FMN1: variants seen among roughly 807,000 people sequenced by gnomAD.
FMN1 encodes the protein formin-1.
A neutral mutation model predicts 132.4 loss-of-function variants in FMN1; 110 were observed. The observed-to-expected ratio is 0.83, with a 90% CI of 0.71 to 0.97. The LOEUF (loss-of-function observed/expected upper bound fraction) is 0.97. Among genes scored for constraint, FMN1 ranks in the 50% least tolerant of loss-of-function variants. The pLI is 0.00. For missense variants in FMN1, 1,792 were observed against 1,705.3 expected (o/e 1.05, Z -0.90); for synonymous variants, 722 against 651.7 (o/e 1.11, Z -1.64).
At chr15:33,158,939 C>A (rs1252913044) in intron 3 of FMN1, among the ~76,000 whole-genome samples, 1 of 152,116 alleles carries the variant, frequency 6.6e-6, no homozygotes, top group Non-Finnish European at 1.5e-5. Context: ...ATAATCCCAG[C>A]ACTTTGGGAG....
intron 15 of FMN1, among the ~76,000 whole-genome samples, chr15:32,892,056 T>C (rs2060044631): frequency 6.6e-6 from 1 of 151,844 alleles, no homozygotes; most frequent in African/African-American, 2.4e-5. Context: ...TTTCTTTCTC[T>C]TGTCTGATTG....
At chr15:32,873,262 T>C (rs11634197) in intron 16 of FMN1, among the ~76,000 whole-genome samples, 4,021 of 152,316 alleles carry the variant, frequency 0.026, 67 homozygotes, top group Middle Eastern at 0.051. Flanking sequence ...GAAGGCTGCA[T>C]TGTCAATTTT....
chr15:32,876,853 TACAG>T (rs1191012868), intron 16 of FMN1, among the ~76,000 whole-genome samples: 3 of 152,198 alleles, frequency 2.0e-5, no homozygotes, highest in Non-Finnish European at 4.4e-5. Flanking sequence ...TGCATCAGAA[TACAG>T]ACAAAGGATA....
At chr15:32,923,218 G>A (rs541808941) in intron 10 of FMN1, among the ~76,000 whole-genome samples, 8 of 152,304 alleles carry the variant, frequency 5.3e-5, no homozygotes, top group African/African-American at 1.7e-4. Context: ...GCCTCCTCCA[G>A]TCATATCTAA....
In FMN1 at chr15:32,904,661, T is replaced by C. The variant is rs540900116; in HGVS notation, c.3378-2621A>G. ...AAGAGTCCAGGATGACTTTGCAGTT[T>C]TGGCGTGGATATTGGGTATAGCGAA... On this transcript the variant is annotated intron_variant, in intron 12 of 20. Transcript: ENST00000616417. Among the ~76,000 whole-genome samples the C allele has an allele frequency of 5.3e-5, 8 of 152,298 alleles. No homozygotes were observed. In the East Asian group the frequency reaches 1.5e-3, roughly 29 times the overall value.
At chr15:33,006,833 A>G (rs548748344) in intron 7 of FMN1, among the ~76,000 whole-genome samples, 6 of 152,262 alleles carry the variant, frequency 3.9e-5, no homozygotes, top group African/African-American at 1.4e-4. Context: ...AAATCTAAAA[A>G]AGTCGAACTC....
intron 4 of FMN1, among the ~76,000 whole-genome samples, chr15:33,144,884 C>G (rs1964155502): frequency 6.6e-6 from 1 of 152,068 alleles, no homozygotes; most frequent in African/African-American, 2.4e-5. Context: ...CCCTATGAAC[C>G]AGCAATGATG....
At chr15:33,190,893 G>A (rs771066383) in intron 2 of FMN1, among the ~76,000 whole-genome samples, 1 of 152,082 alleles carries the variant, frequency 6.6e-6, no homozygotes, top group Non-Finnish European at 1.5e-5. Flanking sequence ...CTGGCTGGCC[G>A]GACGTGGTAA....
chr15:33,011,715 G>A (rs899633029), intron 6 of FMN1, among the ~76,000 whole-genome samples: 2 of 146,482 alleles, frequency 1.4e-5, no homozygotes, highest in East Asian at 1.9e-4. Flanking sequence ...CATCAATCAA[G>A]ATCTAGTGTA....
intron 6 of FMN1, among the ~76,000 whole-genome samples, chr15:33,025,259 G>T (rs1014218934): frequency 1.1e-4 from 17 of 152,038 alleles, no homozygotes; most frequent in African/African-American, 3.6e-4. Flanking sequence ...TAATCAAAAT[G>T]ATATGAAATA....
intron 9 of FMN1, among the ~76,000 whole-genome samples, chr15:32,963,653 T>G (rs979995374): frequency 1.3e-5 from 2 of 152,238 alleles, no homozygotes; most frequent in African/African-American, 2.4e-5. Context: ...GAAATACTTG[T>G]TAAATGAATG....
intron 7 of FMN1, among the ~76,000 whole-genome samples, chr15:32,983,369 T>G (rs1462673299): frequency 6.6e-6 from 1 of 152,208 alleles, no homozygotes; most frequent in Non-Finnish European, 1.5e-5. Flanking sequence ...GAAGAGGGGT[T>G]GTCTTCCAAT....
intron 10 of FMN1, among the ~76,000 whole-genome samples, chr15:32,917,377 C>G (rs894432183): frequency 3.3e-5 from 5 of 152,220 alleles, no homozygotes; most frequent in African/African-American, 1.2e-4. Flanking sequence ...AATCCTCACT[C>G]TATGCAAGTA....
chr15:32,979,007 A>C (rs552186913), intron 7 of FMN1, among the ~76,000 whole-genome samples: 9 of 152,228 alleles, frequency 5.9e-5, no homozygotes, highest in Non-Finnish European at 1.0e-4. Flanking sequence ...AAACTTATAC[A>C]TAAGACTCTA....
intron 4 of FMN1, among the ~76,000 whole-genome samples, chr15:33,119,414 G>C (rs1178694444): frequency 6.6e-6 from 1 of 152,200 alleles, no homozygotes; most frequent in Non-Finnish European, 1.5e-5. Flanking sequence ...GGAGGAAGGA[G>C]AATGTGGGGG....
intron 7 of FMN1, among the ~76,000 whole-genome samples, chr15:32,978,830 C>T (rs1015308315): frequency 1.3e-5 from 2 of 152,188 alleles, no homozygotes; most frequent in Non-Finnish European, 2.9e-5. Flanking sequence ...GATGCGGATT[C>T]CTCAGTCAGG....
chr15:32,842,920 G>A (rs879929945), intron 17 of FMN1, among the ~76,000 whole-genome samples: 2 of 151,930 alleles, frequency 1.3e-5, no homozygotes, highest in Non-Finnish European at 2.9e-5. Flanking sequence ...GAGGTCGGGA[G>A]ATCGGGGCCA....
chr15:33,021,434 T>C (rs2035410473), intron 6 of FMN1, among the ~76,000 whole-genome samples: 1 of 152,090 alleles, frequency 6.6e-6, no homozygotes, highest in Admixed American at 6.6e-5. Context: ...AACTTCTCTC[T>C]CTCTCTATGC....
At chr15:32,775,722 G>A in intron 20 of FMN1, among the ~76,000 whole-genome samples, 1 of 152,182 alleles carries the variant, frequency 6.6e-6, no homozygotes, top group East Asian at 1.9e-4. Context: ...CATTCATTTA[G>A]CTGCTCATGG....
Sources: allele counts gnomAD v4.1 joint callset (sites outside exome capture counted in the v4.1 genomes callset), GRCh38; gene constraint gnomAD v4.1.1; transcripts MANE v1.5; gene names NCBI Gene and HGNC (gene_info 2026-07-23, HGNC 2026-07-21).